GPD2: variants seen among roughly 807,000 people sequenced by gnomAD.
GPD2 encodes glycerol-3-phosphate dehydrogenase 2.
GPD2 carries 54 observed loss-of-function variants against 82.4 expected under a neutral mutation model. That is an observed-to-expected ratio of 0.66 (90% CI 0.53 to 0.82). GPD2 has a LOEUF of 0.82. Ranked by LOEUF, GPD2 falls within the 40% of genes least tolerant of loss-of-function variation. The pLI is 0.00. For synonymous variants in GPD2, 288 were observed against 306.1 expected (o/e 0.94, Z 0.62); for missense variants, 748 against 896.2 (o/e 0.83, Z 2.11).
the GPD2 span, among the ~76,000 whole-genome samples, chr2:156,428,786 A>G: frequency 6.6e-6 from 1 of 152,238 alleles, no homozygotes; most frequent in Non-Finnish European, 1.5e-5. Context: ...TAACTGAAGG[A>G]TAACAGAACA....
chr2:156,450,237 G>A (rs1389223472), intron 1 of GPD2, among the ~76,000 whole-genome samples: 2 of 152,210 alleles, frequency 1.3e-5, no homozygotes, highest in Non-Finnish European at 2.9e-5. Flanking sequence ...TAAGTTTGAA[G>A]TGATTATTAG....
intron 4 of GPD2, 48 bp from the exon 5 acceptor site, chr2:156,512,172 A>G (rs764326515): frequency 2.1e-5 from 19 of 914,094 alleles, no homozygotes; most frequent in East Asian, 2.4e-5. Flanking sequence ...ATTTGAAAAT[A>G]TTATGATCTG....
intron 1 of GPD2, among the ~76,000 whole-genome samples, chr2:156,447,146 C>T (rs1240252834): frequency 6.6e-6 from 1 of 152,198 alleles, no homozygotes; most frequent in Non-Finnish European, 1.5e-5. Flanking sequence ...TCTCCCATTA[C>T]AAAAACAAAC....
intron 1 of GPD2, among the ~76,000 whole-genome samples, chr2:156,442,268 G>GAC (rs1682201898): frequency 6.6e-6 from 1 of 152,122 alleles, no homozygotes; most frequent in Admixed American, 6.5e-5. Flanking sequence ...ACAATGGGGT[G>GAC]ACATGCTTAG....
chr2:156,438,681 G>T (rs906904119), intron 1 of GPD2, among the ~76,000 whole-genome samples: 3 of 152,152 alleles, frequency 2.0e-5, no homozygotes, highest in South Asian at 2.1e-4. Flanking sequence ...GCTATCCTAA[G>T]TGCAGAAACA....
chr2:156,470,859 A>G (rs1472930692), intron 1 of GPD2, among the ~76,000 whole-genome samples: 1 of 152,206 alleles, frequency 6.6e-6, no homozygotes, highest in East Asian at 1.9e-4. Flanking sequence ...AGAAGTGGCA[A>G]ATTTAGTTTT....
intron 6 of GPD2, among the ~76,000 whole-genome samples, chr2:156,526,597 A>T (rs909197266): frequency 3.7e-4 from 4 of 10,728 alleles, no homozygotes; most frequent in Non-Finnish European, 1.1e-3. Flanking sequence ...AAGCTAATTA[A>T]TTGTAGTTTA....
chr2:156,452,358 C>T (rs1391944008), intron 1 of GPD2, among the ~76,000 whole-genome samples: 2 of 152,268 alleles, frequency 1.3e-5, no homozygotes, highest in Non-Finnish European at 2.9e-5. Flanking sequence ...TGGAGACCAG[C>T]CCGGCCAACA....
At chr2:156,464,957 T>TTTC (rs1475192605) in intron 1 of GPD2, among the ~76,000 whole-genome samples, 2 of 152,044 alleles carry the variant, frequency 1.3e-5, no homozygotes, top group Non-Finnish European at 2.9e-5. Context: ...TTCAAGTGAT[T>TTTC]CTCCTGCCTC....
intron 7 of GPD2, among the ~76,000 whole-genome samples, chr2:156,550,130 C>T (rs762101580): frequency 6.6e-6 from 1 of 152,148 alleles, no homozygotes; most frequent in Non-Finnish European, 1.5e-5. Flanking sequence ...CATTGTTACA[C>T]GTTGTTAAAG....
chr2:156,451,668 G>A (rs1357121014), intron 1 of GPD2, among the ~76,000 whole-genome samples: 106 of 109,354 alleles, frequency 9.7e-4, no homozygotes, highest in South Asian at 1.3e-3. Flanking sequence ...CTCACCTCCC[G>A]GACGGGGCAG....
At chr2:156,462,313 T>C (rs970455857) in intron 1 of GPD2, among the ~76,000 whole-genome samples, 2 of 152,064 alleles carry the variant, frequency 1.3e-5, no homozygotes, top group African/African-American at 4.8e-5. Flanking sequence ...GAGATGGAGT[T>C]TTGCTCTTGT....
intron 3 of GPD2, among the ~76,000 whole-genome samples, chr2:156,507,387 T>C (rs998853750): frequency 6.6e-6 from 1 of 151,692 alleles, no homozygotes; most frequent in Non-Finnish European, 1.5e-5. Flanking sequence ...AGCAGTGCAA[T>C]CTTGGCTCAC....
At chr2:156,529,866 G>A (rs1201430418) in intron 6 of GPD2, among the ~76,000 whole-genome samples, 1 of 152,090 alleles carries the variant, frequency 6.6e-6, no homozygotes, top group Admixed American at 6.6e-5. Flanking sequence ...TTGAAGTCAG[G>A]TAGCGTGATG....
chr2:156,418,749 T>C, the GPD2 span, among the ~76,000 whole-genome samples: 1 of 152,086 alleles, frequency 6.6e-6, no homozygotes, highest in African/African-American at 2.4e-5. Flanking sequence ...GTGTACGTTA[T>C]GGGAGGGGGA....
chr2:156,483,414 C>T (rs1373153885), intron 2 of GPD2, among the ~76,000 whole-genome samples: 1 of 152,202 alleles, frequency 6.6e-6, no homozygotes, highest in Non-Finnish European at 1.5e-5. Context: ...ATCACAGTAC[C>T]TGGCACATAG....
chr2:156,544,466 T>C lies in GPD2; in HGVS notation c.662-5142T>C, dbSNP rs541758900. On this transcript the variant is annotated intron_variant, in intron 6 of 16. Transcript: ENST00000438166. Reference sequence around the variant, plus strand: ...CAAAGGGCATGGCTACAGGGAGGGGTGAAGGATTGGGACAATTTTTGCAAT... The same window carrying C: ...CAAAGGGCATGGCTACAGGGAGGGGCGAAGGATTGGGACAATTTTTGCAAT... Among the ~76,000 whole-genome samples, 6 of 152,052 alleles carry C rather than the reference T, an allele frequency of 3.9e-5. No homozygotes were observed. The East Asian group carries it at 1.2e-3, about 29-fold the overall frequency.
At chr2:156,461,354 G>A (rs182396087) in intron 1 of GPD2, among the ~76,000 whole-genome samples, 8 of 151,900 alleles carry the variant, frequency 5.3e-5, no homozygotes, top group Non-Finnish European at 8.8e-5. Flanking sequence ...AAGTTTCATC[G>A]TATCATTGTA....
intron 1 of GPD2, among the ~76,000 whole-genome samples, chr2:156,474,942 A>G (rs888584805): frequency 6.6e-6 from 1 of 151,594 alleles, no homozygotes; most frequent in Non-Finnish European, 1.5e-5. Context: ...CTCTACAGAA[A>G]AAAAAAAAAG....
Sources: gnomAD v4.1 joint callset for allele counts (sites outside exome capture counted in the v4.1 genomes callset) on GRCh38, gnomAD v4.1.1 for gene constraint, MANE v1.5 for transcripts, NCBI Gene and HGNC (gene_info 2026-07-23, HGNC 2026-07-21) for gene names.